KCNG2: variants seen among roughly 807,000 people sequenced by gnomAD.
KCNG2 encodes potassium voltage-gated channel modifier subfamily G member 2, also known as voltage-gated potassium channel regulatory subunit KCNG2.
A neutral mutation model predicts 12.3 loss-of-function variants in KCNG2; 7 were observed. The ratio of observed to expected loss-of-function variants is 0.57; its 90% CI spans 0.32 to 1.07. The LOEUF (loss-of-function observed/expected upper bound fraction) is 1.07, where lower values mean the gene tolerates loss of function less well. KCNG2 is among the 50% of genes least tolerant of loss of function. KCNG2 has a pLI of 0.04. For missense variants in KCNG2, 703 were observed against 726.0 expected, an observed-to-expected ratio of 0.97 and a Z score of 0.36; for synonymous variants, 414 against 351.4, an observed-to-expected ratio of 1.18 and a Z score of -1.99.
chr18:79,811,511 G>A (rs2087494017), intron 1 of KCNG2, among the ~76,000 whole-genome samples: 1 of 152,136 alleles, frequency 6.6e-6, no homozygotes, highest in Non-Finnish European at 1.5e-5. Flanking sequence ...GGGACAACTG[G>A]ATTCCACATA....
At chr18:79,873,978 G>T (rs181944418) in intron 3 of KCNG2, among the ~76,000 whole-genome samples, 3 of 152,364 alleles carry the variant, frequency 2.0e-5, no homozygotes, top group African/African-American at 7.2e-5. Context: ...GCTTTGACGG[G>T]GTCATCCCGA....
Position 79,803,418 on chromosome 18 carries a change from G to A in KCNG2, c.-115+5404G>A, listed in dbSNP as rs1599360464. ...AATTTTCCCTTGTTTTCTGCCAAAA[G>A]AAAAGACATCTTCTAGAAGAGGGAA... is the stretch of plus-strand genomic sequence containing the variant. On this transcript the variant is annotated intron_variant, in intron 1 of 3. Transcript: ENST00000316249. The surrounding 1 kb of genome is among the most constrained non-coding windows in gnomAD (Gnocchi z 4.5). Among the ~76,000 whole-genome samples, 1 of 152,194 alleles carries A rather than the reference G, an allele frequency of 6.6e-6. No individual in the cohort carries two copies. The highest frequency in any genetic ancestry group is 1.5e-5 in the Non-Finnish European group (1 of 68,024).
At chr18:79,875,226 G>A (rs1599419243) in intron 3 of KCNG2, among the ~76,000 whole-genome samples, 1 of 152,280 alleles carries the variant, frequency 6.6e-6, no homozygotes, top group Non-Finnish European at 1.5e-5. Context: ...GGGGTCCTAA[G>A]ACCCCCATTC....
intron 1 of KCNG2, among the ~76,000 whole-genome samples, chr18:79,829,607 C>T (rs1468657362): frequency 6.6e-6 from 1 of 152,116 alleles, no homozygotes; most frequent in Admixed American, 6.5e-5. Context: ...TCACACCGGT[C>T]CTTCTCTGCC....
chr18:79,840,539 T>C (rs968446596), intron 1 of KCNG2, among the ~76,000 whole-genome samples: 1 of 152,172 alleles, frequency 6.6e-6, no homozygotes, highest in Non-Finnish European at 1.5e-5. Flanking sequence ...CAAATTGATA[T>C]AAAAATTTGA....
intron 1 of KCNG2, among the ~76,000 whole-genome samples, chr18:79,851,335 G>A (rs924739199): frequency 3.3e-5 from 5 of 152,204 alleles, no homozygotes; most frequent in African/African-American, 1.2e-4. Flanking sequence ...TCCTAAGTCT[G>A]GGTCTGTTTA....
chr18:79,851,351 C>T (rs1409299676), intron 1 of KCNG2, among the ~76,000 whole-genome samples: 5 of 152,170 alleles, frequency 3.3e-5, no homozygotes, highest in African/African-American at 4.8e-5. Context: ...GTTTAGTAAA[C>T]GTTATCAATC....
At chr18:79,898,234 T>G (rs1469870207) in intron 3 of KCNG2, among the ~76,000 whole-genome samples, 2 of 152,230 alleles carry the variant, frequency 1.3e-5, no homozygotes, top group Non-Finnish European at 2.9e-5. Context: ...CAGGAATCTC[T>G]GAGCCAGGGA....
intron 1 of KCNG2, among the ~76,000 whole-genome samples, chr18:79,827,970 C>CTGGGCAG (rs1160824071): frequency 6.8e-6 from 1 of 146,290 alleles, no homozygotes; most frequent in Non-Finnish European, 1.5e-5. Context: ...GTTGCCCAGG[C>CTGGGCAG]TGGAGTGCAG....
chr18:79,832,158 G>C (rs1248058757), intron 1 of KCNG2, among the ~76,000 whole-genome samples: 2 of 151,732 alleles, frequency 1.3e-5, no homozygotes, highest in Non-Finnish European at 2.9e-5. Context: ...TCACCCATGA[G>C]ACCTCAGCTG....
intron 1 of KCNG2, among the ~76,000 whole-genome samples, chr18:79,850,943 T>C (rs1978794590): frequency 6.6e-6 from 1 of 152,198 alleles, no homozygotes; most frequent in Admixed American, 6.5e-5. Flanking sequence ...CCAGCTCTCA[T>C]GCCGAACATC....
At chr18:79,818,598 G>A (rs1473269590) in intron 1 of KCNG2, among the ~76,000 whole-genome samples, 1 of 152,236 alleles carries the variant, frequency 6.6e-6, no homozygotes, top group Non-Finnish European at 1.5e-5. Flanking sequence ...CATCAGTCGG[G>A]TCACCATGTA....
intron 1 of KCNG2, among the ~76,000 whole-genome samples, chr18:79,807,866 A>G (rs1315540223): frequency 1.8e-5 from 2 of 109,326 alleles, no homozygotes; most frequent in Non-Finnish European, 1.8e-5. Context: ...ACTCCACGTT[A>G]TGGGCCCAGA....
At chr18:79,872,280 G>GTTTTTTTTTTTTTGTTTTTTTT (rs1979867980) in intron 3 of KCNG2, among the ~76,000 whole-genome samples, 1 of 73,414 alleles carries the variant, frequency 1.4e-5, no homozygotes. Context: ...CAAAGCTTCA[G>GTTTTTTTTTTTTTGTTTTTTTT]TTTTTTTTTT....
At chr18:79,834,582 C>G (rs1978313652) in intron 1 of KCNG2, among the ~76,000 whole-genome samples, 1 of 152,094 alleles carries the variant, frequency 6.6e-6, no homozygotes, top group Admixed American at 6.5e-5. Flanking sequence ...TAATGGTACT[C>G]AAACAAACAA....
rs1979364358 is a variant in KCNG2, at chr18:79,864,284, A to G, written c.617A>G (p.Glu206Gly). 6.7e-7 allele frequency: 1 copy of G among 1,482,216 alleles called. No individual in the cohort carries two copies. Among genetic ancestry groups the G allele is most frequent in the Non-Finnish European group, 9.0e-7 (1 of 1,116,096 alleles). 91.8% of individuals were successfully genotyped at this position (1,482,216 alleles called of 1,614,324 possible). ...LSTMPDIRAE[E>G]ERGECSPKCR... ...ACCATGCCGGACATCCGCGCCGAGG[A>G]GGAGCGGGTGAGCGCGGCCGGGGGT... The change falls in exon 3 of 4, where the codon GAG (glutamate) becomes GGG (glycine). Residue 206 changes from glutamate (E) to glycine (G), a missense_variant. Physicochemically the swap from Glu to Gly is moderately conservative, Grantham distance 98 (BLOSUM62 -2). Coordinates refer to ENST00000316249, the MANE Select transcript of KCNG2 (RefSeq NM_012283.2).
intron 1 of KCNG2, among the ~76,000 whole-genome samples, chr18:79,828,057 C>G (rs896193049): frequency 1.3e-5 from 2 of 151,670 alleles, no homozygotes; most frequent in Non-Finnish European, 2.9e-5. Flanking sequence ...CCAAGTAGCT[C>G]GGATTACAGG....
chr18:79,841,572 C>T (rs936731343), intron 1 of KCNG2, among the ~76,000 whole-genome samples: 2 of 151,930 alleles, frequency 1.3e-5, no homozygotes, highest in African/African-American at 4.8e-5. Context: ...AATAACAATC[C>T]AAATAGAAAA....
At chr18:79,870,255 A>G (rs1018830354) in intron 3 of KCNG2, among the ~76,000 whole-genome samples, 1 of 152,168 alleles carries the variant, frequency 6.6e-6, no homozygotes, top group African/African-American at 2.4e-5. Context: ...CGTGGGCCCT[A>G]ATGGCTGCGG....
Sources: allele counts gnomAD v4.1 joint callset (sites outside exome capture counted in the v4.1 genomes callset), GRCh38; gene constraint gnomAD v4.1.1; non-coding constraint Gnocchi (gnomAD v3.1); transcripts MANE v1.5; gene names NCBI Gene and HGNC (gene_info 2026-07-23, HGNC 2026-07-21).